The following GPR107 variants were observed in gnomAD, a reference collection of about 807,000 sequenced individuals.
GPR107 encodes the protein protein GPR107.
A neutral mutation model predicts 75.5 loss-of-function variants in GPR107; 31 were observed. The ratio of observed to expected loss-of-function variants is 0.41; its 90% CI spans 0.31 to 0.55. The LOEUF (loss-of-function observed/expected upper bound fraction) is 0.55, where lower values mean the gene tolerates loss of function less well. GPR107 is among the 20% of genes least tolerant of loss of function. The pLI is 0.26. For synonymous variants in GPR107, 267 were observed against 251.3 expected, an observed-to-expected ratio of 1.06 and a Z score of -0.59; for missense variants, 572 against 665.7, an observed-to-expected ratio of 0.86 and a Z score of 1.55.
chr9:130,070,134 C>G (rs1830170047), intron 1 of GPR107, among the ~76,000 whole-genome samples: 1 of 149,588 alleles, frequency 6.7e-6, no homozygotes, highest in African/African-American at 2.5e-5. Flanking sequence ...GTAGCTGGGA[C>G]CATAGGCTTG....
intron 1 of GPR107, among the ~76,000 whole-genome samples, chr9:130,071,143 G>A (rs544444768): frequency 1.4e-5 from 2 of 139,548 alleles, no homozygotes; most frequent in South Asian, 4.6e-4. Context: ...TAAAGCAATC[G>A]TCCCACTTCA....
At chr9:130,123,748 G>A (rs1831607770) in intron 14 of GPR107, among the ~76,000 whole-genome samples, 1 of 151,700 alleles carries the variant, frequency 6.6e-6, no homozygotes, top group Admixed American at 6.6e-5. Context: ...TCCCATCTTG[G>A]CTTCCCAAAG....
chr9:130,063,315 C>T (rs1246190171), intron 1 of GPR107, among the ~76,000 whole-genome samples: 3 of 152,092 alleles, frequency 2.0e-5, no homozygotes, highest in South Asian at 2.1e-4. Context: ...CTCAGCCTCC[C>T]GAGTAGCTGG....
At chr9:130,114,772 G>C in intron 14 of GPR107, 1 of 831,014 alleles carries the variant, frequency 1.2e-6, no homozygotes, top group Non-Finnish European at 1.5e-6. Context: ...AGTGTGAAAA[G>C]GTCTTCAGAC....
At chr9:130,062,459 A>AATAATAATG (rs1829950910) in intron 1 of GPR107, among the ~76,000 whole-genome samples, 1 of 149,388 alleles carries the variant, frequency 6.7e-6, no homozygotes, top group Non-Finnish European at 1.5e-5. Context: ...TAATAATAAT[A>AATAATAATG]GCACTGAGTA....
rs1483256551 is a variant in GPR107 at position 130,136,741 on chromosome 9, C to G, written c.*1620C>G. ...AGGAAGCGGGTGTTCTTTTTCTGCA[C>G]TTTGATTCGCCATCTGGGTTCTGTA... On this transcript the variant is annotated 3_prime_UTR_variant, in exon 18 of 18. Coordinates refer to ENST00000347136, the MANE Select transcript of GPR107 (RefSeq NM_020960.5). 6.6e-6 allele frequency: 1 copy of G among 152,268 alleles called. No homozygotes were observed. The highest frequency in any genetic ancestry group is 2.4e-5 in the African/African-American group (1 of 41,440). The allele number at this position is 152,268 out of a possible 1,614,324, so 9.4% of individuals were successfully genotyped here. A position where few individuals can be genotyped will look rare whatever the true frequency, so the allele number is the denominator to read the frequency against.
At chr9:130,106,533 G>A (rs1831159520) in intron 13 of GPR107, among the ~76,000 whole-genome samples, 1 of 151,766 alleles carries the variant, frequency 6.6e-6, no homozygotes. Context: ...GGAGGCGGAG[G>A]TTGCAGTGAG....
chr9:130,117,389 C>A (rs1003668568), intron 14 of GPR107, among the ~76,000 whole-genome samples: 5 of 152,178 alleles, frequency 3.3e-5, no homozygotes, highest in Non-Finnish European at 5.9e-5. Context: ...TTAGTGGGAT[C>A]TTTTCTTAGT....
chr9:130,083,441 A>G (rs912186945), intron 5 of GPR107, 124 bp from the exon 6 acceptor site: 2 of 503,778 alleles, frequency 4.0e-6, no homozygotes, highest in Non-Finnish European at 3.4e-6. Context: ...GCAGTCCCCA[A>G]GATTATTTTG....
At chr9:130,120,331 G>A (rs1342331623) in intron 14 of GPR107, among the ~76,000 whole-genome samples, 1 of 152,166 alleles carries the variant, frequency 6.6e-6, no homozygotes, top group Non-Finnish European at 1.5e-5. Flanking sequence ...TGTCTTGCCT[G>A]AGCCTGGAGG....
chr9:130,089,228 C>G (rs1179130676), intron 7 of GPR107, among the ~76,000 whole-genome samples: 2 of 152,020 alleles, frequency 1.3e-5, no homozygotes, highest in African/African-American at 2.4e-5. Context: ...GAAAGTGTTA[C>G]AGGATGCACA....
At chr9:130,070,945 C>T (rs923020890) in intron 1 of GPR107, among the ~76,000 whole-genome samples, 2 of 151,452 alleles carry the variant, frequency 1.3e-5, no homozygotes, top group African/African-American at 4.9e-5. Context: ...TCTTGAACTC[C>T]TGTCCTCAAG....
intron 1 of GPR107, among the ~76,000 whole-genome samples, chr9:130,062,230 T>TG (rs1326023998): frequency 6.6e-6 from 1 of 151,552 alleles, no homozygotes; most frequent in South Asian, 2.1e-4. Context: ...CTGGCCAACA[T>TG]GGTAAAACCC....
chr9:130,084,815 G>A (rs1447234547), intron 6 of GPR107, among the ~76,000 whole-genome samples: 2 of 151,862 alleles, frequency 1.3e-5, no homozygotes, highest in African/African-American at 4.8e-5. Flanking sequence ...TTTCTAAGTT[G>A]CACAGCACTT....
intron 2 of GPR107, among the ~76,000 whole-genome samples, chr9:130,076,191 A>C (rs749593027): frequency 6.6e-6 from 1 of 152,238 alleles, no homozygotes; most frequent in Non-Finnish European, 1.5e-5. Flanking sequence ...ATTATATATC[A>C]GGCATCAAAT....
chr9:130,071,326 C>T (rs1830206702), intron 1 of GPR107, among the ~76,000 whole-genome samples: 1 of 150,496 alleles, frequency 6.6e-6, no homozygotes. Flanking sequence ...CTCGCCTGGC[C>T]CCTCACCCTT....
chr9:130,098,843 A>G (rs532206833), intron 9 of GPR107, among the ~76,000 whole-genome samples: 8 of 151,918 alleles, frequency 5.3e-5, no homozygotes, highest in Admixed American at 3.3e-4. Context: ...CCCTGTCTCT[A>G]CTAAAAATAC....
Position 130,079,716 on chromosome 9 carries a change from A to G in GPR107, c.473A>G (p.Gln158Arg). Residue 158 changes from glutamine to arginine, a missense_variant, in exon 5 of 18, where the codon CAG (glutamine) becomes CGG (arginine). Coordinates refer to ENST00000347136, the MANE Select transcript of GPR107 (RefSeq NM_020960.5). The stretch of plus-strand genomic sequence containing the variant: ...GATGAGAAAGTCCTTGGTCAGAGCC[A>G]GGAGCCTAATGTTAACCCTGCTTCA... ...SRDEKVLGQS[Q>R]EPNVNPASAG... 1 of 1,613,040 alleles carries G rather than the reference A, an allele frequency of 6.2e-7. No individual in the cohort carries two copies. The highest frequency in any genetic ancestry group is 1.1e-5 in the South Asian group (1 of 91,014).
intron 17 of GPR107, among the ~76,000 whole-genome samples, chr9:130,134,321 T>A (rs773703787): frequency 6.6e-6 from 1 of 152,198 alleles, no homozygotes; most frequent in Non-Finnish European, 1.5e-5. Context: ...CTTGCTCAGC[T>A]CCTCATGCCC....
Sources: allele counts gnomAD v4.1 joint callset (sites outside exome capture counted in the v4.1 genomes callset), GRCh38; gene constraint gnomAD v4.1.1; transcripts MANE v1.5; gene names NCBI Gene and HGNC (gene_info 2026-07-23, HGNC 2026-07-21).